Variants in FGD4 observed in about 807,000 individuals in gnomAD.
The protein encoded by FGD4 is FYVE, RhoGEF and PH domain-containing protein 4.
FGD4 carries 42 observed loss-of-function variants against 102.0 expected under a neutral mutation model. The observed-to-expected ratio is 0.41, with a 90% confidence interval of 0.32 to 0.53. FGD4 has a LOEUF of 0.53. FGD4 is among the 20% of genes least tolerant of loss of function. The pLI, the probability that FGD4 is intolerant of heterozygous loss-of-function variation, is 0.21. For synonymous variants in FGD4, 380 were observed against 375.7 expected (o/e 1.01, Z -0.13); for missense variants, 902 against 1,078.2 (o/e 0.84, Z 2.29).
intron 1 of FGD4, among the ~76,000 whole-genome samples, chr12:32,401,589 A>C (rs1940663679): frequency 6.6e-6 from 1 of 152,030 alleles, no homozygotes; most frequent in Admixed American, 6.6e-5. Context: ...CATTTTACTT[A>C]AAATCACCTG....
chr12:32,571,475 G>T (rs1394298941), intron 2 of FGD4, among the ~76,000 whole-genome samples: 1 of 151,676 alleles, frequency 6.6e-6, no homozygotes, highest in East Asian at 1.9e-4. Flanking sequence ...AAGAAAAAAA[G>T]AGTTGAATGT....
chr12:32,565,143 G>C (rs1945078298), intron 2 of FGD4, among the ~76,000 whole-genome samples: 1 of 152,148 alleles, frequency 6.6e-6, no homozygotes, highest in South Asian at 2.1e-4. Context: ...TTCTTGCAAA[G>C]AAAAATGTAT....
At chr12:32,561,275 C>T (rs1403327289) in intron 1 of FGD4, among the ~76,000 whole-genome samples, 4 of 151,322 alleles carry the variant, frequency 2.6e-5, no homozygotes, top group East Asian at 1.9e-4. Context: ...TTAGTAGAGA[C>T]GGGGTTTTAC....
At chr12:32,552,855 G>A (rs1386136538) in intron 1 of FGD4, among the ~76,000 whole-genome samples, 5 of 150,162 alleles carry the variant, frequency 3.3e-5, no homozygotes, top group African/African-American at 1.2e-4. Flanking sequence ...TTGGCTCACC[G>A]CAACCTCCAC....
chr12:32,644,772 G>A lies in FGD4; in HGVS notation c.*4239G>A, dbSNP rs1311189177. 1 of 152,038 alleles carries A rather than the reference G, an allele frequency of 6.6e-6. No homozygotes were observed. The highest frequency in any genetic ancestry group is 6.6e-5 in the Admixed American group (1 of 15,258). 9.4% of individuals were successfully genotyped at this position (152,038 alleles called of 1,614,324 possible). On this transcript the variant is annotated 3_prime_UTR_variant, in exon 17 of 17. Coordinates refer to ENST00000534526, the MANE Select transcript of FGD4 (RefSeq NM_001370298.3). ...ATGCTGATGGGATCCATTGCACCCA[G>A]GTTTTTGACCTTGGCCTGTAAATGC...
chr12:32,579,039 GTTTTTTTTT>G (rs35186090), intron 3 of FGD4, among the ~76,000 whole-genome samples: 6 of 66,128 alleles, frequency 9.1e-5, no homozygotes, highest in African/African-American at 3.9e-4. Flanking sequence ...AACATTAGTG[GTTTTTTTTT>G]TTTTTTTTTT....
At chr12:32,625,893 T>C in intron 14 of FGD4, 114 bp downstream of exon 14, 1 of 1,446,816 alleles carries the variant, frequency 6.9e-7, no homozygotes. Context: ...ATAAATTTAT[T>C]TTGGTGCCAA....
chr12:32,607,511 C>CTGT (rs113718107), intron 7 of FGD4, among the ~76,000 whole-genome samples: 8,397 of 150,242 alleles, frequency 0.056, 728 homozygotes, highest in African/African-American at 0.2. Context: ...AATCTGTTTT[C>CTGT]TGTTGTTGTT....
chr12:32,617,858 T>A (rs1233946415), intron 10 of FGD4, among the ~76,000 whole-genome samples: 1 of 152,220 alleles, frequency 6.6e-6, no homozygotes, highest in Non-Finnish European at 1.5e-5. Flanking sequence ...GTAAGCAATG[T>A]TTTCTATCGT....
chr12:32,489,691 G>A (rs1030752062), intron 1 of FGD4, among the ~76,000 whole-genome samples: 7 of 152,100 alleles, frequency 4.6e-5, no homozygotes, highest in Admixed American at 1.3e-4. Context: ...TATTAGACAC[G>A]GTGGTTTGTG....
intron 1 of FGD4, among the ~76,000 whole-genome samples, chr12:32,558,705 A>G (rs538917076): frequency 6.6e-6 from 1 of 152,280 alleles, no homozygotes; most frequent in South Asian, 2.1e-4. Flanking sequence ...GACTGTTTAA[A>G]TGCCAAAAAA....
In FGD4 at chr12:32,582,274, C is replaced by T; in HGVS notation, c.818C>T (p.Ala273Val). 1 of 1,614,234 alleles carries T rather than the reference C, an allele frequency of 6.2e-7. No homozygotes were observed. The highest frequency in any genetic ancestry group is 8.5e-7 in the Non-Finnish European group (1 of 1,180,040). ...GTGAATGGAGAAAGAGATGAAACTG[C>T]CACAGCTCCTGCATCACCCACAACA... is the stretch of plus-strand genomic sequence containing the variant. ...HIVNGERDETATAPASPTTDS... is the reference protein window; with the variant it reads ...HIVNGERDETVTAPASPTTDS... Residue 273 changes from alanine to valine, a missense_variant, in exon 4 of 17, where the codon GCC (alanine) becomes GTC (valine). Around this residue, in one of 2 missense-constraint regions of FGD4, gnomAD observed 443 missense variants for 459.2 expected, o/e 0.96. Transcript: ENST00000534526.
chr12:32,640,236 A>T (rs747252742), intron 16 of FGD4, 40 bp from the exon 17 acceptor site: 2 of 1,614,098 alleles, frequency 1.2e-6, no homozygotes, highest in South Asian at 2.2e-5. Flanking sequence ...TAACAAGCGA[A>T]TACATCACCT....
chr12:32,584,591 C>A (rs1344121740), intron 4 of FGD4, among the ~76,000 whole-genome samples: 1 of 151,172 alleles, frequency 6.6e-6, no homozygotes, highest in Non-Finnish European at 1.5e-5. Context: ...TGTTGTAACC[C>A]CCCCCTCCCA....
chr12:32,595,675 A>T (rs932441219), intron 4 of FGD4, among the ~76,000 whole-genome samples: 3 of 152,156 alleles, frequency 2.0e-5, no homozygotes, highest in African/African-American at 7.2e-5. Context: ...CACTAACCCA[A>T]TCTGGATACT....
At chr12:32,587,445 C>A (rs868521084) in intron 4 of FGD4, among the ~76,000 whole-genome samples, 6 of 152,048 alleles carry the variant, frequency 3.9e-5, no homozygotes, top group African/African-American at 1.2e-4. Flanking sequence ...GGCTGGAGTG[C>A]GGTGACGCTA....
intron 1 of FGD4, among the ~76,000 whole-genome samples, chr12:32,420,139 C>G (rs1941577903): frequency 6.6e-6 from 1 of 152,120 alleles, no homozygotes; most frequent in South Asian, 2.1e-4. Context: ...ACAGTGTAGG[C>G]TTCTTCTATT....
At chr12:32,488,282 T>C (rs1218876356) in intron 1 of FGD4, among the ~76,000 whole-genome samples, 1 of 152,198 alleles carries the variant, frequency 6.6e-6, no homozygotes, top group Non-Finnish European at 1.5e-5. Flanking sequence ...CTGACCTTTC[T>C]TGTGGAATGA....
intron 2 of FGD4, among the ~76,000 whole-genome samples, chr12:32,568,477 T>C (rs1202828560): frequency 6.6e-6 from 1 of 152,222 alleles, no homozygotes; most frequent in East Asian, 1.9e-4. Context: ...ACTGGCCTGT[T>C]TCCTGCCATG....
Sources: gnomAD v4.1 joint callset for allele counts (sites outside exome capture counted in the v4.1 genomes callset) on GRCh38, gnomAD v4.1.1 for gene constraint, gnomAD v4.1.1 regional missense constraint, MANE v1.5 for transcripts, NCBI Gene and HGNC (gene_info 2026-07-23, HGNC 2026-07-21) for gene names.